Variants in ARL6IP4 observed in about 807,000 individuals in gnomAD.
ARL6IP4 encodes ADP-ribosylation factor-like protein 6-interacting protein 4.
Under a neutral mutation model 28.1 loss-of-function variants are expected in ARL6IP4, and 24 were observed. The observed-to-expected ratio is 0.86, with a 90% confidence interval of 0.62 to 1.20. The LOEUF is 1.20. ARL6IP4 is among the 50% of genes most tolerant of loss of function. The pLI, the probability that ARL6IP4 is intolerant of heterozygous loss-of-function variation, is 0.00. For missense variants in ARL6IP4, 343 were observed against 302.4 expected (o/e 1.13, Z -1.00); for synonymous variants, 162 against 122.3 (o/e 1.32, Z -2.14).
upstream of ARL6IP4, chr12:122,980,396 G>A (rs748685014): frequency 1.2e-5 from 16 of 1,371,902 alleles, no homozygotes; most frequent in East Asian, 2.8e-5. Flanking sequence ...GTATGGAGAG[G>A]GCAGGACCAG....
At position 122,981,198 on chromosome 12, in the gene ARL6IP4, G is replaced by C; in HGVS notation, c.59G>C (p.Gly20Ala). ...AGTCGCAGCCGGTCCCGGGGACGGG[G>C]GTCGGAAAAGAGAAAGAAGAAGAGC... ...SRSRSRSRGR[G>A]SEKRKKKSRK... Residue 20 changes from glycine to alanine, a missense_variant, in exon 2 of 6, where the codon GGG (glycine) becomes GCG (alanine). By Grantham distance (60) the Gly-to-Ala change is moderately conservative. Coordinates refer to ENST00000315580, the MANE Select transcript of ARL6IP4 (RefSeq NM_018694.4). The C allele has an allele frequency of 3.2e-6, 5 of 1,549,900 alleles. No homozygotes were observed. Among genetic ancestry groups the C allele is most frequent in the African/African-American group, 1.4e-5 (1 of 73,104 alleles).
chr12:122,982,383 C>A, intron 4 of ARL6IP4, 86 bp from the exon 5 acceptor site: 3 of 1,331,762 alleles, frequency 2.3e-6, no homozygotes, highest in Non-Finnish European at 3.1e-6. Context: ...GCCCTGGGAC[C>A]CCTCTGCCGG....
chr12:122,982,784 A>T lies in ARL6IP4; in HGVS notation c.*108A>T. On this transcript the variant is annotated 3_prime_UTR_variant, in exon 6 of 6. Transcript: ENST00000315580. ...GGTGCTGGTGGCCTTTCCCCCGTGG[A>T]TTGGTCTCTGGCCCAGCCCAGTCTC... The T allele has an allele frequency of 4.1e-6, 5 of 1,219,512 alleles. No individual in the cohort carries two copies. The highest frequency in any genetic ancestry group is 5.9e-6 in the Non-Finnish European group (5 of 853,156). 75.5% of individuals were successfully genotyped at this position (1,219,512 alleles called of 1,614,324 possible).
Position 122,982,181 on chromosome 12 carries a change from A to G in ARL6IP4, c.587+107A>G. ...GGGCGGGGTTCCTGGTGCCTGAAAA[A>G]GGCCAAATGTGGGCAAAAATACGGT... On this transcript the variant is annotated intron_variant, in intron 4 of 5. Transcript: ENST00000315580. The G allele has an allele frequency of 4.6e-6, 6 of 1,318,470 alleles. No homozygotes were observed. In the South Asian group the frequency reaches 6.0e-5, roughly 13 times the overall value. 81.7% of individuals were successfully genotyped at this position (1,318,470 alleles called of 1,614,324 possible).
rs1414339837 is a variant in ARL6IP4, at chr12:122,982,264, CTGT to C, written c.587+196_588-197del. ...GGCCTGGAGGAGGCTCTTGAAAGGGCTGTTGTTGGCCGGGCTGAGGCTGGCAAG... is the reference window on the plus strand; with the variant it reads ...GGCCTGGAGGAGGCTCTTGAAAGGGCTGTTGGCCGGGCTGAGGCTGGCAAG... On this transcript the variant is annotated intron_variant, in intron 4 of 5. Transcript: ENST00000315580. 8.8e-6 allele frequency: 7 copies of C among 795,816 alleles called. No homozygotes were observed. In the Admixed American group the frequency reaches 1.2e-4, roughly 13 times the overall value. 49.3% of individuals were successfully genotyped at this position (795,816 alleles called of 1,614,324 possible).
chr12:122,980,982 C>G, intron 1 of ARL6IP4, 147 bp from the exon 2 acceptor site: 4 of 1,388,762 alleles, frequency 2.9e-6, no homozygotes, highest in Non-Finnish European at 3.7e-6. Context: ...GTCCCCAGCG[C>G]TGGGGGTGGG....
In ARL6IP4 at chr12:122,981,671, T is replaced by G. The variant is rs756079577; in HGVS notation, c.261T>G (p.Ser87=). The change falls in exon 3 of 6, where the codon TCT becomes TCG. Residue 87 remains serine, a synonymous_variant. Coordinates refer to ENST00000315580, the MANE Select transcript of ARL6IP4 (RefSeq NM_018694.4). ...SSSSSSSSSS[S]SSSSSSSSSS... Reference sequence around the variant, plus strand: ...CTTCTTCCAGTTCTTCTAGCTCCTCTTCTTCCTCCTCGTCCTCCTCCTCTT... The same window carrying G: ...CTTCTTCCAGTTCTTCTAGCTCCTCGTCTTCCTCCTCGTCCTCCTCCTCTT... 6.4e-7 allele frequency: 1 copy of G among 1,555,008 alleles called. No homozygotes were observed. Among genetic ancestry groups the G allele is most frequent in the Admixed American group, 1.9e-5 (1 of 51,496 alleles).
upstream of ARL6IP4, chr12:122,980,261 T>G: frequency 2.4e-6 from 3 of 1,244,486 alleles, no homozygotes; most frequent in Non-Finnish European, 3.0e-6. Context: ...CGGATGGGCC[T>G]GGGGTCCATG....
chr12:122,980,720 G>T lies in ARL6IP4; in HGVS notation c.-37G>T. The T allele has an allele frequency of 7.5e-7, 1 of 1,325,898 alleles. No individual in the cohort carries two copies. The highest frequency in any genetic ancestry group is 9.6e-7 in the Non-Finnish European group (1 of 1,042,566). 82.1% of individuals were successfully genotyped at this position (1,325,898 alleles called of 1,614,324 possible). The stretch of plus-strand genomic sequence containing the variant: ...TTCCTCTCGAGAAGGCGCGGGGCGG[G>T]CTGTCCGGCCCGCAGGGCGGTCGAG... On this transcript the variant is annotated 5_prime_UTR_variant, in exon 1 of 6. Coordinates refer to ENST00000315580, the MANE Select transcript of ARL6IP4 (RefSeq NM_018694.4).
intron 4 of ARL6IP4, 82 bp downstream of exon 4, chr12:122,982,156 G>A (rs902115832): frequency 3.1e-5 from 47 of 1,509,988 alleles, no homozygotes; most frequent in South Asian, 1.5e-4. Flanking sequence ...GAGTGGGGCC[G>A]GGCGGGGTTC....
chr12:122,981,605 G>A lies in ARL6IP4; in HGVS notation c.195G>A (p.Lys65=). 2 of 1,559,986 alleles carry A rather than the reference G, an allele frequency of 1.3e-6. No individual in the cohort carries two copies. The highest frequency in any genetic ancestry group is 1.7e-6 in the Non-Finnish European group (2 of 1,154,686). The stretch of plus-strand genomic sequence containing the variant: ...CTCCCTGCATCACAGAGAGAAGCAA[G>A]CAGAAGGCCCGGAGGAGAACAAGAT... ...SPSPCITERS[K]QKARRRTRSS... Residue 65 remains lysine (K), a synonymous_variant, in exon 3 of 6, where the codon AAG becomes AAA. Coordinates refer to ENST00000315580, the MANE Select transcript of ARL6IP4 (RefSeq NM_018694.4).
At chr12:122,981,359 G>A in intron 2 of ARL6IP4, 60 bp downstream of exon 2, 1 of 1,503,254 alleles carries the variant, frequency 6.7e-7, no homozygotes, top group Non-Finnish European at 8.9e-7. Flanking sequence ...AGTCGGGCGA[G>A]CAGTGGTCGG....
intron 4 of ARL6IP4, 80 bp downstream of exon 4, chr12:122,982,154 C>A: frequency 6.6e-7 from 1 of 1,516,456 alleles, no homozygotes; most frequent in Non-Finnish European, 9.1e-7. Context: ...AGGAGTGGGG[C>A]CGGGCGGGGT....
chr12:122,982,506 G>A lies in ARL6IP4; in HGVS notation c.625G>A (p.Val209Ile), dbSNP rs137934270. Residue 209 changes from valine to isoleucine, a missense_variant, in exon 5 of 6, where the codon GTA becomes ATA. Physicochemically the swap from Val to Ile is conservative, Grantham distance 29 (BLOSUM62 3). Coordinates refer to ENST00000315580, the MANE Select transcript of ARL6IP4 (RefSeq NM_018694.4). The part of the protein sequence containing the change: ...KGDGEVLEEI[V>I]TKERHREINK... ...AGATGGCGAGGTCCTAGAGGAAATC[G>A]TAACCAAAGAACGACACAGAGAGAT... is the stretch of plus-strand genomic sequence containing the variant. 1.3e-5 allele frequency: 21 copies of A among 1,613,972 alleles called. No homozygotes were observed. Among genetic ancestry groups the A allele is most frequent in the African/African-American group, 1.2e-4 (9 of 74,904 alleles).
chr12:122,982,005 C>T lies in ARL6IP4; in HGVS notation c.518C>T (p.Thr173Ile). The change falls in exon 4 of 6, where the codon ACC becomes ATC. Residue 173 changes from threonine (T) to isoleucine (I), a missense_variant. By Grantham distance (89) the Thr-to-Ile change is moderately conservative. Transcript: ENST00000315580. ...KSRIQAMKPM[T>I]KEEWDARQSI... Reference sequence around the variant, plus strand: ...CGAATCCAGGCCATGAAGCCCATGACCAAGGAGGAGTGGGATGCCCGGCAG... The same window carrying T: ...CGAATCCAGGCCATGAAGCCCATGATCAAGGAGGAGTGGGATGCCCGGCAG... 6.2e-7 allele frequency: 1 copy of T among 1,613,712 alleles called. No homozygotes were observed. The highest frequency in any genetic ancestry group is 8.5e-7 in the Non-Finnish European group (1 of 1,180,040).
In ARL6IP4 at chr12:122,981,757, A is replaced by G. The variant is rs74758272; in HGVS notation, c.347A>G (p.Lys116Arg). 29,269 of 1,560,180 alleles carry G rather than the reference A, an allele frequency of 0.019. 4,387 individuals carry two copies. The African/African-American group carries it at 0.34, about 18-fold the overall frequency. The change falls in exon 3 of 6, where the codon AAG (lysine) becomes AGG (arginine). Residue 116 changes from lysine (K) to arginine (R), a missense_variant. Lys to Arg is a conservative substitution (Grantham distance 26). Coordinates refer to ENST00000315580, the MANE Select transcript of ARL6IP4 (RefSeq NM_018694.4). ...KYKDKRRKKKKKRKKLKKKGK... is the reference protein window; with the variant it reads ...KYKDKRRKKKRKRKKLKKKGK... Reference sequence around the variant, plus strand: ...AAGGACAAGAGGAGGAAGAAGAAGAAGAAGAGGAAGAAGCTGAAGAAGAAG... The same window carrying G: ...AAGGACAAGAGGAGGAAGAAGAAGAGGAAGAGGAAGAAGCTGAAGAAGAAG...
chr12:122,982,669 T>C lies in ARL6IP4; in HGVS notation c.707T>C (p.Leu236Pro), dbSNP rs761226597. ...GCCTTCCAGATGCGAGCTGGGTTGC[T>C]TCCCTGAGGGCCCCCGCTGGCCAAG... ...CLAFQMRAGL[L>P]P The change falls in exon 6 of 6, where the codon CTT (leucine) becomes CCT (proline). Residue 236 changes from leucine to proline, a missense_variant. Coordinates refer to ENST00000315580, the MANE Select transcript of ARL6IP4 (RefSeq NM_018694.4). 2 of 1,613,752 alleles carry C rather than the reference T, an allele frequency of 1.2e-6. No individual in the cohort carries two copies. Among genetic ancestry groups the C allele is most frequent in the Non-Finnish European group, 1.7e-6 (2 of 1,180,014 alleles).
At chr12:122,982,167 C>T (rs2135991488) in intron 4 of ARL6IP4, 93 bp downstream of exon 4, 1 of 1,460,522 alleles carries the variant, frequency 6.8e-7, no homozygotes, top group South Asian at 1.1e-5. Context: ...GGCGGGGTTC[C>T]TGGTGCCTGA....
At chr12:122,982,115 A>T in intron 4 of ARL6IP4, 41 bp downstream of exon 4, 1 of 1,597,978 alleles carries the variant, frequency 6.3e-7, no homozygotes, top group Non-Finnish European at 8.6e-7. Context: ...AGGATCTGGG[A>T]GTGTTGGCTG....
Sources: gnomAD v4.1 joint callset for allele counts on GRCh38, gnomAD v4.1.1 for gene constraint, MANE v1.5 for transcripts, NCBI Gene and HGNC (gene_info 2026-07-23, HGNC 2026-07-21) for gene names.